CFAP299: variants seen among roughly 807,000 people sequenced by gnomAD.
CFAP299 encodes cilia- and flagella-associated protein 299.
In CFAP299, 21 loss-of-function variants were observed where a neutral mutation model predicts 27.0. The ratio of observed to expected loss-of-function variants is 0.78; its 90% CI spans 0.55 to 1.12. CFAP299 has a LOEUF of 1.12. Among genes scored for constraint, CFAP299 ranks in the 50% most tolerant of loss-of-function variants. The probability of loss-of-function intolerance (pLI) is 0.00; values close to 1 mark genes in which losing one functional copy is unlikely to be tolerated. For synonymous variants in CFAP299, 104 were observed against 98.1 expected (o/e 1.06, Z -0.36); for missense variants, 310 against 276.6 (o/e 1.12, Z -0.86).
At position 80,638,689 on chromosome 4, in the gene CFAP299, C is replaced by G. The variant is rs557018925; in HGVS notation, c.333+55506C>G. Among the ~76,000 whole-genome samples the G allele has an allele frequency of 2.0e-4, 30 of 152,216 alleles. 1 individual carries two copies. The South Asian group carries it at 5.6e-3, about 28-fold the overall frequency. The stretch of plus-strand genomic sequence containing the variant: ...TGATCATATTTTCTGATGGTAAGTT[C>G]TATTATTCTCTTTTAGTTCCTGTTA... On this transcript the variant is annotated intron_variant, in intron 3 of 5. Transcript: ENST00000358105.
At chr4:80,473,879 A>G (rs1730138951) in intron 2 of CFAP299, among the ~76,000 whole-genome samples, 1 of 152,250 alleles carries the variant, frequency 6.6e-6, no homozygotes, top group Non-Finnish European at 1.5e-5. Flanking sequence ...GGCATGAGCC[A>G]CCATTGATTA....
At chr4:80,401,194 A>G (rs1255653146) in intron 2 of CFAP299, among the ~76,000 whole-genome samples, 1 of 152,228 alleles carries the variant, frequency 6.6e-6, no homozygotes, top group Admixed American at 6.5e-5. Context: ...AGAAAAGCCC[A>G]TTTTCTGGGG....
At chr4:80,867,389 A>G (rs1004922227) in intron 3 of CFAP299, among the ~76,000 whole-genome samples, 2 of 152,158 alleles carry the variant, frequency 1.3e-5, no homozygotes, top group African/African-American at 4.8e-5. Flanking sequence ...ATATATTCTA[A>G]TAAGCTTGTT....
chr4:80,641,485 G>A lies in CFAP299; in HGVS notation c.333+58302G>A, dbSNP rs538447964. Among the ~76,000 whole-genome samples the A allele has an allele frequency of 5.9e-5, 9 of 152,308 alleles. No homozygotes were observed. The South Asian group carries it at 1.9e-3, about 32-fold the overall frequency. On this transcript the variant is annotated intron_variant, in intron 3 of 5. Coordinates refer to ENST00000358105, the MANE Select transcript of CFAP299 (RefSeq NM_152770.3). ...CCCAAAGTGCTGGGATTACAGGCAT[G>A]AGCCACCATGCCCAATCTTATTTTT...
At chr4:80,906,747 A>T (rs551531747) in intron 4 of CFAP299, among the ~76,000 whole-genome samples, 130 of 152,166 alleles carry the variant, frequency 8.5e-4, no homozygotes, top group Admixed American at 1.8e-3. Context: ...CTGGAACTGA[A>T]TCAGCTGGGA....
chr4:80,688,631 A>G (rs1029017933), intron 3 of CFAP299, among the ~76,000 whole-genome samples: 24 of 152,246 alleles, frequency 1.6e-4, no homozygotes, highest in Non-Finnish European at 2.8e-4. Flanking sequence ...TAAAAAGCAC[A>G]GCACCTATCC....
chr4:80,905,420 C>T (rs1735133099), intron 4 of CFAP299, among the ~76,000 whole-genome samples: 1 of 152,136 alleles, frequency 6.6e-6, no homozygotes, highest in East Asian at 1.9e-4. Context: ...GGCTGATTTC[C>T]ATTGTGCCTT....
chr4:80,917,982 C>T (rs191506868), intron 4 of CFAP299, among the ~76,000 whole-genome samples: 1 of 152,136 alleles, frequency 6.6e-6, no homozygotes, highest in Non-Finnish European at 1.5e-5. Context: ...AGTTACCTGT[C>T]CAGATTAGTG....
At chr4:80,846,585 C>G (rs1321381881) in intron 3 of CFAP299, among the ~76,000 whole-genome samples, 1 of 152,088 alleles carries the variant, frequency 6.6e-6, no homozygotes, top group African/African-American at 2.4e-5. Context: ...AAATAATTTA[C>G]TATGCATTAA....
chr4:80,852,727 T>C (rs1200450162), intron 3 of CFAP299, among the ~76,000 whole-genome samples: 1 of 152,208 alleles, frequency 6.6e-6, no homozygotes, highest in Non-Finnish European at 1.5e-5. Flanking sequence ...CACTCTTTAA[T>C]TCATCATAGT....
At chr4:80,788,802 C>T (rs900140310) in intron 3 of CFAP299, among the ~76,000 whole-genome samples, 1 of 151,942 alleles carries the variant, frequency 6.6e-6, no homozygotes, top group African/African-American at 2.4e-5. Context: ...GACACATAAT[C>T]GGCCTCTGAA....
chr4:80,951,067 G>T (rs370645236), intron 5 of CFAP299, among the ~76,000 whole-genome samples: 1 of 152,142 alleles, frequency 6.6e-6, no homozygotes, highest in Non-Finnish European at 1.5e-5. Context: ...CTTCATTGGT[G>T]TGATTTTAGA....
At chr4:80,508,709 C>G (rs1732150095) in intron 2 of CFAP299, among the ~76,000 whole-genome samples, 1 of 152,058 alleles carries the variant, frequency 6.6e-6, no homozygotes, top group Non-Finnish European at 1.5e-5. Context: ...CAGGAGTGCA[C>G]CACCACTCCT....
At chr4:80,736,378 G>A (rs1723872590) in intron 3 of CFAP299, among the ~76,000 whole-genome samples, 2 of 151,690 alleles carry the variant, frequency 1.3e-5, no homozygotes, top group Admixed American at 1.3e-4. Context: ...GTTTGTCAAA[G>A]ATCAGATAGT....
chr4:80,700,437 C>T (rs1435786119), intron 3 of CFAP299, among the ~76,000 whole-genome samples: 1 of 151,948 alleles, frequency 6.6e-6, no homozygotes, highest in African/African-American at 2.4e-5. Flanking sequence ...GGTGGTACCG[C>T]TAACTAGAAT....
At chr4:80,767,141 ATTTTC>A (rs1431767626) in intron 3 of CFAP299, among the ~76,000 whole-genome samples, 1 of 152,066 alleles carries the variant, frequency 6.6e-6, no homozygotes, top group East Asian at 1.9e-4. Context: ...CATTGTATGT[ATTTTC>A]CTCTATGTAC....
At chr4:80,799,191 TTA>T (rs1158017651) in intron 3 of CFAP299, among the ~76,000 whole-genome samples, 1 of 119,516 alleles carries the variant, frequency 8.4e-6, no homozygotes, top group Non-Finnish European at 1.6e-5. Context: ...ATAAATATAT[TTA>T]TATAATATTT....
chr4:80,521,792 C>CTT (rs796445235), intron 2 of CFAP299, among the ~76,000 whole-genome samples: 1 of 145,070 alleles, frequency 6.9e-6, no homozygotes, highest in South Asian at 2.2e-4. Context: ...ACAGGATTCC[C>CTT]TTTTTTTTTT....
At chr4:80,890,204 T>A (rs928726617) in intron 4 of CFAP299, among the ~76,000 whole-genome samples, 1 of 152,108 alleles carries the variant, frequency 6.6e-6, no homozygotes, top group Non-Finnish European at 1.5e-5. Flanking sequence ...TGTTGGTAGT[T>A]GATATGATCT....
Sources: allele counts gnomAD v4.1 joint callset (sites outside exome capture counted in the v4.1 genomes callset), GRCh38; gene constraint gnomAD v4.1.1; transcripts MANE v1.5; gene names NCBI Gene and HGNC (gene_info 2026-07-23, HGNC 2026-07-21).